The following EIF3J variants were observed in gnomAD, a reference collection of about 807,000 sequenced individuals.
EIF3J encodes eukaryotic translation initiation factor 3 subunit J.
A neutral mutation model predicts 39.0 loss-of-function variants in EIF3J; 15 were observed. That is an observed-to-expected ratio of 0.38 (90% CI 0.26 to 0.59). The LOEUF is 0.59. Among genes scored for constraint, EIF3J ranks in the 20% least tolerant of loss-of-function variants. The pLI is 0.60. For synonymous variants in EIF3J, 98 were observed against 112.9 expected (o/e 0.87, Z 0.84); for missense variants, 226 against 308.6 (o/e 0.73, Z 2.00).
intron 2 of EIF3J, among the ~76,000 whole-genome samples, chr15:44,547,141 A>C (rs2082060201): frequency 6.9e-6 from 1 of 144,418 alleles, no homozygotes; most frequent in Non-Finnish European, 1.5e-5. Context: ...AGGCTTGATT[A>C]GCTGTTGACT....
intron 4 of EIF3J, 152 bp downstream of exon 4, chr15:44,551,674 G>T: frequency 1.7e-6 from 1 of 595,332 alleles, no homozygotes; most frequent in Non-Finnish European, 2.8e-6. Flanking sequence ...ATTGATTTGT[G>T]GTTTTTGCAA....
chr15:44,546,003 G>A (rs922041825), intron 2 of EIF3J, among the ~76,000 whole-genome samples: 3 of 152,162 alleles, frequency 2.0e-5, no homozygotes, highest in African/African-American at 7.2e-5. Context: ...TTTTAAATAT[G>A]CATCTTCTGG....
Position 44,537,239 on chromosome 15 carries a change from TGAG to T in EIF3J, c.43+6_43+8del, listed in dbSNP as rs761184717. On this transcript the variant is annotated splice_donor_5th_base_variant and intron_variant, in intron 1 of 7. Coordinates refer to ENST00000261868, the MANE Select transcript of EIF3J (RefSeq NM_003758.4). ...CGGCGGGGGACTCGGACTCCTGGGG[TGAG>T]GAGAAGTTGCTGGGGCAGGGCCCGG... The T allele has an allele frequency of 1.2e-5, 19 of 1,579,754 alleles. No individual in the cohort carries two copies. The highest frequency in any genetic ancestry group is 1.7e-4 in the Middle Eastern group (1 of 5,918).
At chr15:44,553,485 C>G (rs547098692) in intron 4 of EIF3J, among the ~76,000 whole-genome samples, 1 of 150,788 alleles carries the variant, frequency 6.6e-6, no homozygotes, top group East Asian at 1.9e-4. Context: ...GAGCGAGACT[C>G]CATCTCAAAA....
chr15:44,545,530 T>G (rs2082046367), intron 2 of EIF3J, among the ~76,000 whole-genome samples: 1 of 152,218 alleles, frequency 6.6e-6, no homozygotes, highest in Non-Finnish European at 1.5e-5. Flanking sequence ...TTATTTTCAA[T>G]AAAAAGGTCA....
At chr15:44,554,865 TTAAGA>T (rs1400666820) in intron 5 of EIF3J, among the ~76,000 whole-genome samples, 198 bp downstream of exon 5, 7 of 152,224 alleles carry the variant, frequency 4.6e-5, no homozygotes, top group Non-Finnish European at 5.9e-5. Context: ...TAAAAGATTA[TTAAGA>T]TAAGTCATTT....
At chr15:44,539,379 G>A (rs1208864381) in intron 2 of EIF3J, among the ~76,000 whole-genome samples, 1 of 151,526 alleles carries the variant, frequency 6.6e-6, no homozygotes. Context: ...TTTACAAGTT[G>A]TAAGGGACCA....
chr15:44,553,868 G>C (rs1321657333), intron 4 of EIF3J, among the ~76,000 whole-genome samples: 6 of 152,216 alleles, frequency 3.9e-5, no homozygotes, highest in Non-Finnish European at 8.8e-5. Flanking sequence ...AGTTGCCCTA[G>C]AAAGGGTTTT....
intron 4 of EIF3J, among the ~76,000 whole-genome samples, chr15:44,553,680 C>G (rs2082120110): frequency 1.3e-5 from 2 of 151,782 alleles, no homozygotes; most frequent in East Asian, 3.9e-4. Context: ...TGTTTTGAAC[C>G]ATTCTGTTGG....
Position 44,537,154 on chromosome 15 carries a change from CGCTAGCTCT to C in EIF3J, c.-40_-32del. On this transcript the variant is annotated 5_prime_UTR_variant, in exon 1 of 8. Transcript: ENST00000261868. ...ACTCACCTCCGCCGTGCTAACTCCT[CGCTAGCTCT>C]CCCTCTCACACACGCTCACACCCGG... 6.2e-7 allele frequency: 1 copy of C among 1,613,246 alleles called. No individual in the cohort carries two copies. The highest frequency in any genetic ancestry group is 8.5e-7 in the Non-Finnish European group (1 of 1,179,570).
intron 6 of EIF3J, 59 bp from the exon 7 acceptor site, chr15:44,560,190 T>C: frequency 6.9e-7 from 1 of 1,454,518 alleles, no homozygotes; most frequent in Non-Finnish European, 9.4e-7. Context: ...CATATTTAGC[T>C]TTAACTTTTC....
intron 2 of EIF3J, among the ~76,000 whole-genome samples, chr15:44,540,269 T>TATATATATA (rs1567115256): frequency 2.4e-4 from 9 of 38,106 alleles, no homozygotes; most frequent in African/African-American, 7.3e-4. Context: ...ATATATATAT[T>TATATATATA]TTTTTTTTTT....
chr15:44,558,253 G>A (rs2082161079), intron 6 of EIF3J, among the ~76,000 whole-genome samples: 1 of 152,156 alleles, frequency 6.6e-6, no homozygotes, highest in Non-Finnish European at 1.5e-5. Flanking sequence ...TTGTGATGGA[G>A]TCTTGCATTG....
intron 2 of EIF3J, among the ~76,000 whole-genome samples, chr15:44,541,260 G>A (rs150383100): frequency 6.6e-6 from 1 of 152,288 alleles, no homozygotes; most frequent in African/African-American, 2.4e-5. Context: ...GTACCTACTG[G>A]ACACAAGGAC....
intron 4 of EIF3J, among the ~76,000 whole-genome samples, chr15:44,553,912 A>G (rs1237325925): frequency 6.6e-6 from 1 of 152,210 alleles, no homozygotes; most frequent in South Asian, 2.1e-4. Context: ...TATGAAAGTA[A>G]TATTTTTACC....
intron 5 of EIF3J, among the ~76,000 whole-genome samples, chr15:44,555,001 T>C (rs985706481): frequency 6.6e-6 from 1 of 152,230 alleles, no homozygotes; most frequent in Non-Finnish European, 1.5e-5. Flanking sequence ...TGAAATGGAC[T>C]GTAGGGCTGT....
At position 44,561,211 on chromosome 15, in the gene EIF3J, A is replaced by G. The variant is rs556619621; in HGVS notation, c.*62A>G. 1.1e-5 allele frequency: 17 copies of G among 1,545,096 alleles called. No individual in the cohort carries two copies. The East Asian group carries it at 3.2e-4, about 29-fold the overall frequency. Reference sequence around the variant, plus strand: ...CACAATCCCTTGAACATGTAGCACAACTTCCTTTCCTTTCAGTTCTGCCAA... The same window carrying G: ...CACAATCCCTTGAACATGTAGCACAGCTTCCTTTCCTTTCAGTTCTGCCAA... On this transcript the variant is annotated 3_prime_UTR_variant, in exon 8 of 8. Coordinates refer to ENST00000261868, the MANE Select transcript of EIF3J (RefSeq NM_003758.4).
At chr15:44,560,694 AG>A (rs2082184673) in intron 7 of EIF3J, 1 of 343,672 alleles carries the variant, frequency 2.9e-6, no homozygotes, top group Non-Finnish European at 5.3e-6. Flanking sequence ...AGTAAAGGTT[AG>A]AGCTTTGTGA....
At chr15:44,549,357 C>T (rs2082079173) in intron 2 of EIF3J, among the ~76,000 whole-genome samples, 1 of 151,922 alleles carries the variant, frequency 6.6e-6, no homozygotes, top group Non-Finnish European at 1.5e-5. Context: ...TGCCATTGCA[C>T]TCCAGCTTGG....
Sources: allele counts gnomAD v4.1 joint callset (sites outside exome capture counted in the v4.1 genomes callset), GRCh38; gene constraint gnomAD v4.1.1; transcripts MANE v1.5; gene names NCBI Gene and HGNC (gene_info 2026-07-23, HGNC 2026-07-21).